Variants in PTCHD1 observed in about 807,000 individuals in gnomAD.
The protein encoded by PTCHD1 is patched domain-containing protein 1.
In PTCHD1, 3 loss-of-function variants were observed where a neutral mutation model predicts 34.6. The ratio of observed to expected loss-of-function variants is 0.09; its 90% CI spans 0.04 to 0.22. PTCHD1 has a LOEUF of 0.22. Ranked by LOEUF, PTCHD1 falls within the 10% of genes least tolerant of loss-of-function variation. PTCHD1 has a pLI of 1.00. For missense variants in PTCHD1, 504 were observed against 685.5 expected, an observed-to-expected ratio of 0.74 and a Z score of 2.96; for synonymous variants, 305 against 283.1, an observed-to-expected ratio of 1.08 and a Z score of -0.77.
chrX:23,361,793 G>T (rs1003267713), intron 1 of PTCHD1, among the ~76,000 whole-genome samples: 2 of 112,077 alleles, frequency 1.8e-5, no homozygotes, highest in African/African-American at 6.5e-5. Context: ...GGTACCGTTT[G>T]TTCCTTTCCA....
chrX:23,336,977 C>G (rs1457203632), intron 1 of PTCHD1, among the ~76,000 whole-genome samples: 1 of 111,152 alleles, frequency 9.0e-6, no homozygotes, highest in Non-Finnish European at 1.9e-5. Context: ...CCTTTCCCCC[C>G]CCACCCACAA....
At chrX:23,387,909 GAA>G (rs2146647941) in intron 2 of PTCHD1, among the ~76,000 whole-genome samples, 1 of 112,005 alleles carries the variant, frequency 8.9e-6, no homozygotes, top group East Asian at 2.8e-4. Flanking sequence ...AAATCTGATA[GAA>G]TCAGTATGTG....
chrX:23,364,035 A>T (rs1265335624), intron 1 of PTCHD1, among the ~76,000 whole-genome samples: 1 of 112,375 alleles, frequency 8.9e-6, no homozygotes, highest in Admixed American at 9.4e-5. Context: ...TAAAAATAAC[A>T]GTATTGATAA....
intron 1 of PTCHD1, among the ~76,000 whole-genome samples, chrX:23,363,425 G>A (rs777016414): frequency 4.4e-5 from 5 of 113,017 alleles, no homozygotes; most frequent in Non-Finnish European, 5.6e-5. Flanking sequence ...TGCTAGCAGT[G>A]AGCAAGGCTC....
intron 1 of PTCHD1, among the ~76,000 whole-genome samples, chrX:23,354,633 C>T (rs1358404014): frequency 2.0e-5 from 2 of 100,226 alleles, no homozygotes; most frequent in Non-Finnish European, 4.0e-5. Context: ...AGTGCAGTGG[C>T]GCCATCTCAG....
intron 1 of PTCHD1, among the ~76,000 whole-genome samples, chrX:23,336,703 C>A (rs1228078712): frequency 9.0e-6 from 1 of 111,329 alleles, no homozygotes; most frequent in East Asian, 2.8e-4. Flanking sequence ...ACATTAATCC[C>A]GAGATGTTTG....
intron 2 of PTCHD1, among the ~76,000 whole-genome samples, chrX:23,383,829 T>C (rs1373487769): frequency 8.9e-6 from 1 of 112,293 alleles, no homozygotes; most frequent in Non-Finnish European, 1.9e-5. Flanking sequence ...ACCCTTATCG[T>C]GCATAAAATA....
Position 23,380,014 on chromosome X carries a change from G to A in PTCHD1, c.775G>A (p.Glu259Lys). 8.3e-7 allele frequency: 1 copy of A among 1,211,939 alleles called. No homozygotes were observed. Among genetic ancestry groups the A allele is most frequent in the Non-Finnish European group, 1.1e-6 (1 of 895,496 alleles). ...MYPYTSSSLR[E>K]DFQKTSRVSE... ...CCCTTACACGTCCTCCTCACTGAGGGAAGATTTCCAGAAGACCAGCCGCGT... is the reference window on the plus strand; with the variant it reads ...CCCTTACACGTCCTCCTCACTGAGGAAAGATTTCCAGAAGACCAGCCGCGT... The change falls in exon 2 of 3, where the codon GAA becomes AAA. Residue 259 changes from glutamate to lysine, a missense_variant. Glu to Lys is a moderately conservative substitution (Grantham distance 56). Coordinates refer to ENST00000379361, the MANE Select transcript of PTCHD1 (RefSeq NM_173495.3).
chrX:23,352,567 G>A (rs1200905203), intron 1 of PTCHD1, among the ~76,000 whole-genome samples: 3 of 111,452 alleles, frequency 2.7e-5, no homozygotes, highest in Non-Finnish European at 5.7e-5. Context: ...CTCATCAGAG[G>A]GGACTGGAAT....
intron 1 of PTCHD1, among the ~76,000 whole-genome samples, chrX:23,340,668 G>T (rs767732721): frequency 8.9e-6 from 1 of 112,103 alleles, no homozygotes; most frequent in Non-Finnish European, 1.9e-5. Context: ...AAGAAACACG[G>T]AATCAAAGAA....
intron 1 of PTCHD1, among the ~76,000 whole-genome samples, chrX:23,338,242 C>G (rs1921221764): frequency 8.9e-6 from 1 of 111,897 alleles, no homozygotes; most frequent in Non-Finnish European, 1.9e-5. Flanking sequence ...GCAGTAATTT[C>G]TGAACCTCTT....
intron 1 of PTCHD1, among the ~76,000 whole-genome samples, chrX:23,360,756 C>T (rs748155712): frequency 8.9e-6 from 1 of 111,917 alleles, no homozygotes; most frequent in Non-Finnish European, 1.9e-5. Flanking sequence ...GTCAACTTTA[C>T]ATCTTTCCTG....
chrX:23,358,982 C>G (rs1398426905), intron 1 of PTCHD1, among the ~76,000 whole-genome samples: 1 of 111,823 alleles, frequency 8.9e-6, no homozygotes, highest in East Asian at 2.8e-4. Context: ...ATTTCTGAGG[C>G]ATCTGTTCTG....
intron 1 of PTCHD1, among the ~76,000 whole-genome samples, chrX:23,356,664 A>G (rs759401957): frequency 1.6e-4 from 18 of 112,181 alleles, no homozygotes; most frequent in Admixed American, 4.7e-4. Context: ...ACCTCCAACA[A>G]AAAGAGAAGG....
chrX:23,371,988 T>A (rs1173651886), intron 1 of PTCHD1, among the ~76,000 whole-genome samples: 13 of 111,313 alleles, frequency 1.2e-4, no homozygotes, highest in African/African-American at 4.3e-4. Flanking sequence ...ACAATTGTTA[T>A]GTGTTCCAGG....
chrX:23,367,772 G>T (rs1220380375), intron 1 of PTCHD1, among the ~76,000 whole-genome samples: 3 of 111,439 alleles, frequency 2.7e-5, no homozygotes, highest in Non-Finnish European at 5.6e-5. Flanking sequence ...ATAGTATCAC[G>T]TGCAATATTC....
chrX:23,358,968 T>C (rs1472146378), intron 1 of PTCHD1, among the ~76,000 whole-genome samples: 1 of 111,841 alleles, frequency 8.9e-6, no homozygotes, highest in East Asian at 2.8e-4. Context: ...AGATGCGTGG[T>C]GTTATTTCTG....
chrX:23,368,542 A>G (rs1415977495), intron 1 of PTCHD1, among the ~76,000 whole-genome samples: 2 of 111,332 alleles, frequency 1.8e-5, no homozygotes, highest in African/African-American at 6.5e-5. Flanking sequence ...GGTACTTGGG[A>G]TAGGATTGAG....
At chrX:23,348,364 G>A (rs1263910770) in intron 1 of PTCHD1, among the ~76,000 whole-genome samples, 1 of 109,230 alleles carries the variant, frequency 9.2e-6, no homozygotes, top group Non-Finnish European at 1.9e-5. Context: ...AGAAGGAGAA[G>A]AATGAAGCAG....
Sources: allele counts gnomAD v4.1 joint callset (sites outside exome capture counted in the v4.1 genomes callset), GRCh38; gene constraint gnomAD v4.1.1; transcripts MANE v1.5; gene names NCBI Gene and HGNC (gene_info 2026-07-23, HGNC 2026-07-21).